HOMER1: variants seen among roughly 807,000 people sequenced by gnomAD.
HOMER1 encodes the protein homer scaffold protein 1.
In HOMER1, 3 loss-of-function variants were observed where a neutral mutation model predicts 48.9. The ratio of observed to expected loss-of-function variants is 0.06; its 90% CI spans 0.03 to 0.16. HOMER1 has a LOEUF of 0.16. HOMER1 is among the 10% of genes least tolerant of loss of function. The pLI is 1.00. For synonymous variants in HOMER1, 134 were observed against 146.4 expected (o/e 0.92, Z 0.61); for missense variants, 247 against 411.4 (o/e 0.60, Z 3.46).
At chr5:79,510,085 G>A (rs770322945) in intron 1 of HOMER1, among the ~76,000 whole-genome samples, 1 of 151,822 alleles carries the variant, frequency 6.6e-6, no homozygotes, top group Non-Finnish European at 1.5e-5. Flanking sequence ...GTGTGGAAAC[G>A]TCAGCAAATG....
chr5:79,482,646 T>C (rs1305563018), intron 1 of HOMER1, among the ~76,000 whole-genome samples: 1 of 151,862 alleles, frequency 6.6e-6, no homozygotes, highest in Non-Finnish European at 1.5e-5. Flanking sequence ...TTGATTACTG[T>C]GGGATAACTT....
At chr5:79,500,483 T>A (rs1374883909) in intron 1 of HOMER1, among the ~76,000 whole-genome samples, 2 of 152,168 alleles carry the variant, frequency 1.3e-5, no homozygotes, top group Non-Finnish European at 2.9e-5. Context: ...AGGATATTTG[T>A]CTCAACAGGC....
intron 5 of HOMER1, among the ~76,000 whole-genome samples, chr5:79,405,226 A>G (rs1749634055): frequency 6.6e-6 from 1 of 152,178 alleles, no homozygotes. Context: ...ACACACGAAC[A>G]TAAAAAGAGA....
chr5:79,497,059 CAAAAAAAAAAAA>C (rs5868996), intron 1 of HOMER1, among the ~76,000 whole-genome samples: 3 of 52,786 alleles, frequency 5.7e-5, no homozygotes, highest in East Asian at 5.4e-4. Context: ...GACTTTGTCT[CAAAAAAAAAAAA>C]AAAAAAAAAA....
intron 5 of HOMER1, among the ~76,000 whole-genome samples, chr5:79,408,791 A>T (rs1749736877): frequency 7.1e-6 from 1 of 141,208 alleles, no homozygotes; most frequent in Non-Finnish European, 1.6e-5. Context: ...AACACTATTT[A>T]AAAATTGAAG....
chr5:79,379,317 T>C (rs1440314202), intron 8 of HOMER1, among the ~76,000 whole-genome samples: 7 of 109,710 alleles, frequency 6.4e-5, no homozygotes, highest in East Asian at 2.1e-4. Flanking sequence ...AATATAAATA[T>C]ATAAATATTT....
At chr5:79,503,351 G>A (rs1355913997) in intron 1 of HOMER1, among the ~76,000 whole-genome samples, 2 of 151,382 alleles carry the variant, frequency 1.3e-5, no homozygotes, top group African/African-American at 2.4e-5. Context: ...TGGAAAACAC[G>A]AAATCCCGTC....
intron 2 of HOMER1, among the ~76,000 whole-genome samples, chr5:79,454,592 C>T (rs1309132377): frequency 6.6e-6 from 1 of 151,926 alleles, no homozygotes; most frequent in Admixed American, 6.6e-5. Flanking sequence ...TTTCTCAAGT[C>T]CTTTAAATCC....
intron 2 of HOMER1, among the ~76,000 whole-genome samples, chr5:79,452,394 C>T (rs117787705): frequency 3.7e-4 from 56 of 152,160 alleles, no homozygotes; most frequent in East Asian, 3.5e-3. Flanking sequence ...CTGCTAATAC[C>T]ATAAAAGTGA....
chr5:79,419,672 A>G (rs1230953927), intron 5 of HOMER1, among the ~76,000 whole-genome samples: 2 of 152,036 alleles, frequency 1.3e-5, no homozygotes, highest in Non-Finnish European at 2.9e-5. Flanking sequence ...GACTTGTGGC[A>G]ACAAACTTCA....
chr5:79,497,722 T>C (rs565717008), intron 1 of HOMER1, among the ~76,000 whole-genome samples: 2 of 150,694 alleles, frequency 1.3e-5, no homozygotes, highest in East Asian at 2.0e-4. Context: ...TTCAAACTTC[T>C]AGTTTTTGCA....
At chr5:79,388,348 G>T (rs1276940310) in intron 8 of HOMER1, among the ~76,000 whole-genome samples, 3 of 152,150 alleles carry the variant, frequency 2.0e-5, no homozygotes, top group Non-Finnish European at 4.4e-5. Flanking sequence ...CTCTGCAAAA[G>T]AGGGTGTTTT....
At chr5:79,455,643 A>G (rs137962805) in intron 2 of HOMER1, among the ~76,000 whole-genome samples, 140 of 152,332 alleles carry the variant, frequency 9.2e-4, no homozygotes, top group African/African-American at 3.3e-3. Context: ...GCAAGCAGGT[A>G]GTAGAAACAA....
intron 5 of HOMER1, among the ~76,000 whole-genome samples, chr5:79,413,004 A>C (rs747633340): frequency 1.3e-5 from 2 of 152,246 alleles, no homozygotes; most frequent in Non-Finnish European, 2.9e-5. Context: ...CTGAAATTTA[A>C]AAATACACTG....
rs151071394 is a variant in HOMER1 at position 79,508,272 on chromosome 5, A to G, written c.5+4498T>C. The stretch of plus-strand genomic sequence containing the variant: ...TTGAGTGGGTCACCATCATCAGTCT[A>G]TCTTAAAAATAAAATAGAACGGAAC... On this transcript the variant is annotated intron_variant, in intron 1 of 8. Coordinates refer to ENST00000334082, the MANE Select transcript of HOMER1 (RefSeq NM_004272.5). Among the ~76,000 whole-genome samples the G allele has an allele frequency of 1.7e-3, 258 of 152,362 alleles. 1 individual carries two copies. The highest frequency in any genetic ancestry group is 2.7e-3 in the Non-Finnish European group (181 of 68,042).
chr5:79,488,411 T>C (rs1347937350), intron 1 of HOMER1, among the ~76,000 whole-genome samples: 1 of 152,254 alleles, frequency 6.6e-6, no homozygotes, highest in African/African-American at 2.4e-5. Flanking sequence ...ACTGTGGCAT[T>C]TGTTTTCCTA....
At chr5:79,427,680 TC>T (rs1750299698) in intron 5 of HOMER1, among the ~76,000 whole-genome samples, 1 of 103,524 alleles carries the variant, frequency 9.7e-6, no homozygotes, top group African/African-American at 4.7e-5. Context: ...TTCCCTTCCT[TC>T]CTTCCCTTCC....
intron 5 of HOMER1, among the ~76,000 whole-genome samples, chr5:79,411,549 C>T (rs1374869189): frequency 1.3e-5 from 2 of 152,010 alleles, no homozygotes; most frequent in African/African-American, 2.4e-5. Context: ...ATTAAATTAG[C>T]TATGTAAAAT....
rs1410333303 is a variant in HOMER1, at chr5:79,513,476, C to T, written c.-702G>A. The T allele has an allele frequency of 1.3e-5, 2 of 152,400 alleles. No individual in the cohort carries two copies. Among genetic ancestry groups the T allele is most frequent in the Admixed American group, 6.5e-5 (1 of 15,286 alleles). The allele number at this position is 152,400 out of a possible 1,614,324, so 9.4% of individuals were successfully genotyped here. ...AGGCTAGGCAGGATCGATTCATTCTCCCGAAGAGAATAAACGGAGCCATTT... is the reference window on the plus strand; with the variant it reads ...AGGCTAGGCAGGATCGATTCATTCTTCCGAAGAGAATAAACGGAGCCATTT... On this transcript the variant is annotated 5_prime_UTR_variant, in exon 1 of 9. Coordinates refer to ENST00000334082, the MANE Select transcript of HOMER1 (RefSeq NM_004272.5).
Sources: allele counts gnomAD v4.1 joint callset (sites outside exome capture counted in the v4.1 genomes callset), GRCh38; gene constraint gnomAD v4.1.1; transcripts MANE v1.5; gene names NCBI Gene and HGNC (gene_info 2026-07-23, HGNC 2026-07-21).